Variants in B4GALT4 observed in about 807,000 individuals in gnomAD.
B4GALT4 encodes the protein N-acetyllactosamine synthase.
B4GALT4 carries 27 observed loss-of-function variants against 37.3 expected under a neutral mutation model. That is an observed-to-expected ratio of 0.72 (90% CI 0.53 to 1.00). B4GALT4 has a LOEUF of 1.00. B4GALT4 is among the 50% of genes least tolerant of loss of function. B4GALT4 has a pLI of 0.00. For synonymous variants in B4GALT4, 148 were observed against 154.1 expected (o/e 0.96, Z 0.29); for missense variants, 372 against 413.1 (o/e 0.90, Z 0.86).
chr3:119,223,752 T>C (rs959675223), intron 5 of B4GALT4, among the ~76,000 whole-genome samples: 1 of 152,202 alleles, frequency 6.6e-6, no homozygotes, highest in Non-Finnish European at 1.5e-5. Context: ...TTCTAGTCAG[T>C]GTGGGAAAGC....
intron 4 of B4GALT4, among the ~76,000 whole-genome samples, chr3:119,226,208 A>G (rs372768274): frequency 1.5e-4 from 23 of 152,250 alleles, no homozygotes; most frequent in African/African-American, 5.5e-4. Context: ...CACTGACCTC[A>G]GAGGTAAGCT....
chr3:119,216,239 C>A lies in B4GALT4; in HGVS notation c.902+1G>T, dbSNP rs1383600456. 3 of 1,607,932 alleles carry A rather than the reference C, an allele frequency of 1.9e-6. No individual in the cohort carries two copies. Among genetic ancestry groups the A allele is most frequent in the Non-Finnish European group, 2.5e-6 (3 of 1,176,522 alleles). On this transcript the variant is annotated splice_donor_variant, in intron 7 of 7. Coordinates refer to ENST00000393765, the MANE Select transcript of B4GALT4 (RefSeq NM_003778.4). LOFTEE classifies it high-confidence loss of function. ...GCTAGGCAGGTGAAGCCAGGACTTA[C>A]CGTTCTGCGTTCACCTCATTGCCTT...
chr3:119,223,209 C>T (rs146354863), intron 5 of B4GALT4, among the ~76,000 whole-genome samples: 3 of 152,352 alleles, frequency 2.0e-5, no homozygotes, highest in Non-Finnish European at 4.4e-5. Context: ...AGCTACCTGT[C>T]TCCCCACACT....
At chr3:119,234,626 G>C (rs1169554796) in intron 2 of B4GALT4, among the ~76,000 whole-genome samples, 1 of 152,016 alleles carries the variant, frequency 6.6e-6, no homozygotes, top group Non-Finnish European at 1.5e-5. Context: ...GTTATTTTTA[G>C]GGCAAGTGAC....
chr3:119,235,250 A>C (rs937369311), intron 2 of B4GALT4: 1 of 152,264 alleles, frequency 6.6e-6, no homozygotes, highest in African/African-American at 2.4e-5. Context: ...GAAAGGAAAC[A>C]TAAGTGCTAA....
At chr3:119,217,404 C>A (rs559487566) in intron 6 of B4GALT4, among the ~76,000 whole-genome samples, 1 of 152,228 alleles carries the variant, frequency 6.6e-6, no homozygotes, top group Non-Finnish European at 1.5e-5. Context: ...GGGGAATCCA[C>A]TCCCTCCTGC....
At chr3:119,232,470 G>T (rs1180754680) in intron 2 of B4GALT4, 1 of 152,286 alleles carries the variant, frequency 6.6e-6, no homozygotes, top group East Asian at 1.9e-4. Flanking sequence ...CCGCCCAGGT[G>T]CTCAGCTCCA....
intron 5 of B4GALT4, among the ~76,000 whole-genome samples, chr3:119,220,558 T>C (rs1430394184): frequency 1.3e-5 from 2 of 151,946 alleles, no homozygotes; most frequent in Non-Finnish European, 1.5e-5. Context: ...AGGATTCAAA[T>C]AGGCAGAAAA....
intron 7 of B4GALT4, chr3:119,212,946 G>T: frequency 2.9e-6 from 1 of 350,356 alleles, no homozygotes; most frequent in Non-Finnish European, 5.1e-6. Flanking sequence ...AGGACAGAAG[G>T]ATGTGCAAGG....
At chr3:119,224,877 G>A (rs916575978) in intron 4 of B4GALT4, among the ~76,000 whole-genome samples, 4 of 151,996 alleles carry the variant, frequency 2.6e-5, no homozygotes, top group South Asian at 2.1e-4. Flanking sequence ...ATACCTTTAC[G>A]TATTCTGTAT....
At chr3:119,225,820 C>T (rs1037578847) in intron 4 of B4GALT4, among the ~76,000 whole-genome samples, 1 of 152,154 alleles carries the variant, frequency 6.6e-6, no homozygotes, top group Non-Finnish European at 1.5e-5. Flanking sequence ...GACCAACAAC[C>T]TTAAAAACAA....
chr3:119,217,117 A>C lies in B4GALT4; in HGVS notation c.798-773T>G, dbSNP rs552836965. ...ATGATGGTCTTTTCAAATGAAAGCA[A>C]AATTGGAGGCTCCCCTCTACTTTGA... On this transcript the variant is annotated intron_variant, in intron 6 of 7. Coordinates refer to ENST00000393765, the MANE Select transcript of B4GALT4 (RefSeq NM_003778.4). Among the ~76,000 whole-genome samples the C allele has an allele frequency of 3.3e-5, 5 of 152,368 alleles. No individual in the cohort carries two copies. The South Asian group carries it at 1.0e-3, about 32-fold the overall frequency.
At chr3:119,235,224 T>C (rs2078949293) in intron 2 of B4GALT4, 1 of 152,216 alleles carries the variant, frequency 6.6e-6, no homozygotes, top group African/African-American at 2.4e-5. Flanking sequence ...GCAAGGAAGA[T>C]AAGCTATAAC....
Position 119,230,216 on chromosome 3 carries a change from G to C in B4GALT4, c.-117C>G, listed in dbSNP as rs555193001. 3 of 1,308,998 alleles carry C rather than the reference G, an allele frequency of 2.3e-6. No individual in the cohort carries two copies. Among genetic ancestry groups the C allele is most frequent in the South Asian group, 2.9e-5 (2 of 69,944 alleles). The allele number at this position is 1,308,998 out of a possible 1,614,324, so 81.1% of individuals were successfully genotyped here. Reference sequence around the variant, plus strand: ...ATGACAACTGAAGATACAATGCCTGGTTTTTCTCAGTAGTTCTGCTCCAAC... The same window carrying C: ...ATGACAACTGAAGATACAATGCCTGCTTTTTCTCAGTAGTTCTGCTCCAAC... On this transcript the variant is annotated 5_prime_UTR_variant, in exon 3 of 8. Transcript: ENST00000393765.
In B4GALT4 at chr3:119,230,263, AGACACGTTGTTTCAAATGGAAATTCT is replaced by A; in HGVS notation, c.-145-45_-145-20del. 1 of 883,412 alleles carries A rather than the reference AGACACGTTGTTTCAAATGGAAATTCT, an allele frequency of 1.1e-6. No homozygotes were observed. Among genetic ancestry groups the A allele is most frequent in the Non-Finnish European group, 1.7e-6 (1 of 589,158 alleles). The allele number at this position is 883,412 out of a possible 1,614,324, so 54.7% of individuals were successfully genotyped here. On this transcript the variant is annotated intron_variant, in intron 2 of 7. Transcript: ENST00000393765. ...CAACAGTCTAAAACGCAATCACAAA[AGACACGTTGTTTCAAATGGAAATTCT>A]ATCCTGAAGTGATTCACTCCAGCAC...
Position 119,230,145 on chromosome 3 carries a change from G to T in B4GALT4, c.-46C>A. ...TATCTATCTCTCTGCTTCACTGCAG[G>T]CAAGAAAGCTTCAAGTTGAGCTTTT... is the stretch of plus-strand genomic sequence containing the variant. On this transcript the variant is annotated 5_prime_UTR_variant, in exon 3 of 8. Transcript: ENST00000393765. The T allele has an allele frequency of 3.1e-6, 5 of 1,599,128 alleles. No individual in the cohort carries two copies. The highest frequency in any genetic ancestry group is 4.3e-6 in the Non-Finnish European group (5 of 1,171,830).
At chr3:119,222,902 A>G (rs71325367) in intron 5 of B4GALT4, among the ~76,000 whole-genome samples, 16,507 of 152,268 alleles carry the variant, frequency 0.11, 1,030 homozygotes, top group East Asian at 0.24. Context: ...GCCGGGGTTT[A>G]AAGTCAGTAC....
At chr3:119,238,932 T>G (rs915798739) in intron 1 of B4GALT4, among the ~76,000 whole-genome samples, 2 of 152,228 alleles carry the variant, frequency 1.3e-5, no homozygotes, top group Non-Finnish European at 2.9e-5. Context: ...CAGAGGCTGT[T>G]AGTAATCTTC....
At chr3:119,216,097 C>A in intron 7 of B4GALT4, 143 bp downstream of exon 7, 1 of 539,152 alleles carries the variant, frequency 1.9e-6, no homozygotes, top group Admixed American at 4.0e-5. Context: ...CACTTTCTCT[C>A]CTTTTGTGTC....
Sources: gnomAD v4.1 joint callset for allele counts (sites outside exome capture counted in the v4.1 genomes callset) on GRCh38, gnomAD v4.1.1 for gene constraint, MANE v1.5 for transcripts, NCBI Gene and HGNC (gene_info 2026-07-23, HGNC 2026-07-21) for gene names.